Variants in RARB observed in about 807,000 individuals in gnomAD.
RARB encodes the protein HBV-activated protein.
A neutral mutation model predicts 51.9 loss-of-function variants in RARB; 17 were observed. The observed-to-expected ratio is 0.33, with a 90% CI of 0.22 to 0.49. RARB has a LOEUF of 0.49. Among genes scored for constraint, RARB ranks in the 20% least tolerant of loss-of-function variants. The pLI, the probability that RARB is intolerant of heterozygous loss-of-function variation, is 0.99. For synonymous variants in RARB, 215 were observed against 195.4 expected, an observed-to-expected ratio of 1.10 and a Z score of -0.84; for missense variants, 369 against 550.8, an observed-to-expected ratio of 0.67 and a Z score of 3.30.
chr3:25,042,362 G>C (rs1698130606), intron 2 of RARB, among the ~76,000 whole-genome samples: 1 of 152,154 alleles, frequency 6.6e-6, no homozygotes, highest in Non-Finnish European at 1.5e-5. Flanking sequence ...TTCTGAAACT[G>C]TGTCCAGAGC....
intron 5 of RARB, among the ~76,000 whole-genome samples, chr3:25,211,945 C>CT (rs767328162): frequency 1.6e-4 from 24 of 152,308 alleles, no homozygotes; most frequent in Admixed American, 1.0e-3. Flanking sequence ...TATTTCCCCA[C>CT]TTAAAATATT....
chr3:24,940,027 G>T (rs1695626879), intron 2 of RARB, among the ~76,000 whole-genome samples: 1 of 152,168 alleles, frequency 6.6e-6, no homozygotes. Context: ...ACTCTTTAAT[G>T]TTATTATGTA....
chr3:25,395,212 G>T (rs1336010167), intron 5 of RARB, among the ~76,000 whole-genome samples: 1 of 152,136 alleles, frequency 6.6e-6, no homozygotes, highest in Non-Finnish European at 1.5e-5. Flanking sequence ...TTTGTTTAAG[G>T]ACGCTAAAAA....
intron 5 of RARB, among the ~76,000 whole-genome samples, chr3:25,182,488 T>C (rs1700882139): frequency 6.6e-6 from 1 of 152,178 alleles, no homozygotes; most frequent in South Asian, 2.1e-4. Context: ...GTGTAGCCAA[T>C]GTAGCCAATG....
At chr3:25,159,753 GAGTT>G (rs1280135196) in intron 4 of RARB, among the ~76,000 whole-genome samples, 2 of 152,150 alleles carry the variant, frequency 1.3e-5, no homozygotes, top group Non-Finnish European at 2.9e-5. Flanking sequence ...CAAGCTGCCA[GAGTT>G]AGGGAGAAGA....
intron 2 of RARB, among the ~76,000 whole-genome samples, chr3:24,885,532 A>G (rs944955762): frequency 9.2e-5 from 14 of 152,238 alleles, no homozygotes; most frequent in African/African-American, 3.1e-4. Context: ...ATAGAATTCT[A>G]GAATGAGTGC....
intron 2 of RARB, among the ~76,000 whole-genome samples, chr3:24,970,406 C>G (rs1337794408): frequency 6.6e-6 from 1 of 152,010 alleles, no homozygotes; most frequent in Non-Finnish European, 1.5e-5. Context: ...GAAGACAATT[C>G]TGTCTTCTTT....
At chr3:25,011,294 T>G (rs1697389083) in intron 2 of RARB, among the ~76,000 whole-genome samples, 1 of 152,050 alleles carries the variant, frequency 6.6e-6, no homozygotes, top group Admixed American at 6.6e-5. Context: ...GAGGAGAGGT[T>G]GCAAGTTCTA....
chr3:24,936,447 C>T (rs1467617129), intron 2 of RARB, among the ~76,000 whole-genome samples: 5 of 152,152 alleles, frequency 3.3e-5, no homozygotes, highest in Admixed American at 1.3e-4. Flanking sequence ...TCCAGAAAGG[C>T]ATTTTTCATA....
intron 4 of RARB, among the ~76,000 whole-genome samples, chr3:25,163,534 T>C (rs1465568473): frequency 1.6e-5 from 2 of 125,268 alleles, no homozygotes; most frequent in African/African-American, 2.9e-5. Context: ...TATATATATA[T>C]ATATTTGTTT....
chr3:25,506,104 C>G (rs1697575080), intron 3 of RARB, among the ~76,000 whole-genome samples: 1 of 151,902 alleles, frequency 6.6e-6, no homozygotes, highest in Non-Finnish European at 1.5e-5. Flanking sequence ...AAAGAACCAG[C>G]TCTTCAGGCA....
In RARB at chr3:25,433,509, G is replaced by A. The variant is rs540428377; in HGVS notation, c.157+4621G>A. Among the ~76,000 whole-genome samples the A allele has an allele frequency of 3.3e-5, 5 of 152,304 alleles. No homozygotes were observed. The South Asian group carries it at 8.3e-4, about 25-fold the overall frequency. On this transcript the variant is annotated intron_variant, in intron 1 of 7. Coordinates refer to ENST00000330688, the MANE Select transcript of RARB (RefSeq NM_000965.5). Reference sequence around the variant, plus strand: ...TTCTCACTCTAGCACCTGTGTGTGCGTGGACAGGGTGGGGAGGAGGGAGTA... The same window carrying A: ...TTCTCACTCTAGCACCTGTGTGTGCATGGACAGGGTGGGGAGGAGGGAGTA...
At chr3:25,407,665 A>G (rs1266741927) in intron 5 of RARB, among the ~76,000 whole-genome samples, 2 of 152,140 alleles carry the variant, frequency 1.3e-5, no homozygotes, top group Non-Finnish European at 2.9e-5. Flanking sequence ...AGAATTGCAG[A>G]TAACTGTCAG....
At chr3:25,446,361 T>C (rs1043530000) in intron 1 of RARB, among the ~76,000 whole-genome samples, 5 of 152,256 alleles carry the variant, frequency 3.3e-5, no homozygotes, top group Admixed American at 2.6e-4. Context: ...TCTTGGAATG[T>C]GTCACACCTA....
intron 3 of RARB, among the ~76,000 whole-genome samples, chr3:25,118,451 T>G (rs1277093130): frequency 6.6e-6 from 1 of 152,196 alleles, no homozygotes; most frequent in Admixed American, 6.5e-5. Context: ...ATACAAATTC[T>G]GTGTAATTTA....
intron 5 of RARB, chr3:25,259,996 C>T (rs1702957605): frequency 1.0e-6 from 1 of 985,190 alleles, no homozygotes; most frequent in Non-Finnish European, 1.2e-6. Flanking sequence ...TTTTACTCTC[C>T]TCAGTTTGTT....
chr3:25,152,658 C>G (rs897635947), intron 4 of RARB, among the ~76,000 whole-genome samples: 1 of 152,168 alleles, frequency 6.6e-6, no homozygotes, highest in Non-Finnish European at 1.5e-5. Flanking sequence ...CACAGTAATA[C>G]AACCAGCCTG....
At chr3:24,909,024 T>C (rs899034392) in intron 2 of RARB, among the ~76,000 whole-genome samples, 2 of 152,182 alleles carry the variant, frequency 1.3e-5, no homozygotes, top group Non-Finnish European at 2.9e-5. Flanking sequence ...TCTCCCGTTA[T>C]ATAACACATT....
At chr3:25,307,808 T>C (rs534744800) in intron 5 of RARB, among the ~76,000 whole-genome samples, 1 of 152,212 alleles carries the variant, frequency 6.6e-6, no homozygotes, top group South Asian at 2.1e-4. Flanking sequence ...TAGTAGGGGG[T>C]TGCAAACTAA....
Sources: gnomAD v4.1 joint callset for allele counts (sites outside exome capture counted in the v4.1 genomes callset) on GRCh38, gnomAD v4.1.1 for gene constraint, MANE v1.5 for transcripts, NCBI Gene and HGNC (gene_info 2026-07-23, HGNC 2026-07-21) for gene names.